The following SIPA1L1 variants were observed in gnomAD, a reference collection of about 807,000 sequenced individuals.
SIPA1L1 encodes the protein signal-induced proliferation-associated 1-like protein 1.
A neutral mutation model predicts 162.7 loss-of-function variants in SIPA1L1; 26 were observed. The observed-to-expected ratio is 0.16, with a 90% CI of 0.12 to 0.22. The LOEUF (loss-of-function observed/expected upper bound fraction) is 0.22, where lower values mean the gene tolerates loss of function less well. Ranked by LOEUF, SIPA1L1 falls within the 10% of genes least tolerant of loss-of-function variation. The pLI, the probability that SIPA1L1 is intolerant of heterozygous loss-of-function variation, is 1.00. For missense variants in SIPA1L1, 1,874 were observed against 2,241.0 expected (o/e 0.84, Z 3.31); for synonymous variants, 829 against 837.4 (o/e 0.99, Z 0.17).
chr14:71,529,907 C>T, intron 4 of SIPA1L1, among the ~76,000 whole-genome samples: 1 of 152,214 alleles, frequency 6.6e-6, no homozygotes, highest in East Asian at 1.9e-4. Flanking sequence ...CTGCCTCTTA[C>T]TTCTGGATGT....
intron 2 of SIPA1L1, chr14:71,416,066 T>G (rs2042738457): frequency 6.6e-6 from 1 of 152,220 alleles, no homozygotes; most frequent in Admixed American, 6.5e-5. Flanking sequence ...AGCAGGCACC[T>G]TAAGTTCTGT....
chr14:71,548,885 CAAA>C (rs774158181), intron 4 of SIPA1L1, among the ~76,000 whole-genome samples: 2 of 65,384 alleles, frequency 3.1e-5, no homozygotes, highest in Admixed American at 1.7e-4. Flanking sequence ...AGACTGTCTC[CAAA>C]AAAAAAAAAA....
intron 7 of SIPA1L1, among the ~76,000 whole-genome samples, chr14:71,649,110 G>A (rs372850318): frequency 2.7e-4 from 41 of 151,878 alleles, no homozygotes; most frequent in Admixed American, 1.7e-3. Context: ...CCTTACTGAT[G>A]TGGTGGTTGT....
intron 2 of SIPA1L1, among the ~76,000 whole-genome samples, chr14:71,339,561 A>C (rs1208692802): frequency 6.6e-6 from 1 of 151,860 alleles, no homozygotes; most frequent in Non-Finnish European, 1.5e-5. Flanking sequence ...ACAGGGTTTC[A>C]CCATGTTGGC....
chr14:71,566,348 CCTAAA>C (rs1185460545), intron 4 of SIPA1L1, among the ~76,000 whole-genome samples: 15 of 152,006 alleles, frequency 9.9e-5, no homozygotes, highest in Middle Eastern at 3.2e-3. Flanking sequence ...TTTAAAGTTC[CCTAAA>C]CTAATTTATA....
intron 17 of SIPA1L1, among the ~76,000 whole-genome samples, chr14:71,710,455 A>C (rs1310453716): frequency 6.6e-6 from 1 of 152,190 alleles, no homozygotes; most frequent in Non-Finnish European, 1.5e-5. Flanking sequence ...GTCATTGATC[A>C]ATGTGTGAGA....
intron 3 of SIPA1L1, among the ~76,000 whole-genome samples, chr14:71,519,428 G>T (rs1164181178): frequency 1.3e-5 from 2 of 152,108 alleles, no homozygotes; most frequent in African/African-American, 4.8e-5. Flanking sequence ...CAATAACAAT[G>T]AACATATCTG....
chr14:71,518,755 A>G (rs1273418027), intron 3 of SIPA1L1, among the ~76,000 whole-genome samples: 1 of 152,058 alleles, frequency 6.6e-6, no homozygotes, highest in Non-Finnish European at 1.5e-5. Context: ...AGCCTGGGCA[A>G]CATGGCAAAA....
At position 71,517,341 on chromosome 14, in the gene SIPA1L1, C is replaced by T. The variant is rs759480377; in HGVS notation, c.-362+4496C>T. ...TTTTTGGTTTATTACAAATTTATTT[C>T]GGCATAGGTACTGAGGGACATTGTC... On this transcript the variant is annotated intron_variant, in intron 3 of 23. Coordinates refer to ENST00000381232, the MANE Select transcript of SIPA1L1 (RefSeq NM_001386936.1). Among the ~76,000 whole-genome samples the T allele has an allele frequency of 9.2e-5, 14 of 151,930 alleles. No homozygotes were observed. The East Asian group carries it at 1.3e-3, about 15-fold the overall frequency.
intron 13 of SIPA1L1, among the ~76,000 whole-genome samples, chr14:71,693,064 A>C (rs893333584): frequency 6.6e-6 from 1 of 152,218 alleles, no homozygotes; most frequent in African/African-American, 2.4e-5. Flanking sequence ...CCTTACCCAA[A>C]ATGCTTGAAC....
At chr14:71,699,154 A>C (rs1363340381) in intron 14 of SIPA1L1, 27 bp downstream of exon 14, 16 of 1,611,028 alleles carry the variant, frequency 9.9e-6, no homozygotes, top group Non-Finnish European at 1.3e-5. Context: ...CCCATTGTAC[A>C]TGGTCCCTGT....
chr14:71,526,482 T>C (rs990391781), intron 3 of SIPA1L1, among the ~76,000 whole-genome samples: 2 of 152,244 alleles, frequency 1.3e-5, no homozygotes, highest in African/African-American at 2.4e-5. Flanking sequence ...CTCAACATTA[T>C]GTTTGTGAGA....
chr14:71,440,730 T>C (rs780535735), intron 2 of SIPA1L1, among the ~76,000 whole-genome samples: 4 of 139,654 alleles, frequency 2.9e-5, no homozygotes, highest in Non-Finnish European at 6.2e-5. Flanking sequence ...TAAGAAAGAA[T>C]AGTTCAGTTT....
At chr14:71,326,596 T>A (rs1306886729) in intron 2 of SIPA1L1, among the ~76,000 whole-genome samples, 2 of 152,206 alleles carry the variant, frequency 1.3e-5, no homozygotes, top group Non-Finnish European at 2.9e-5. Flanking sequence ...CAAACGATCG[T>A]GTTCCTATAA....
chr14:71,626,463 G>A (rs1404080248), intron 7 of SIPA1L1, among the ~76,000 whole-genome samples: 1 of 152,102 alleles, frequency 6.6e-6, no homozygotes, highest in South Asian at 2.1e-4. Context: ...TGCATACTTA[G>A]GCTTTTAGTC....
rs539771564 is a variant in SIPA1L1, at chr14:71,373,991, A to G, written c.-465+52810A>G. 9.8e-5 allele frequency among the ~76,000 whole-genome samples: 15 copies of G among 152,286 alleles called. No homozygotes were observed. The South Asian group carries it at 2.9e-3, about 29-fold the overall frequency. ...GTCATTCTGTTTGAAATGACTGGTAAAGTGTCCATTCAGGGCAGCTCTGCT... is the reference window on the plus strand; with the variant it reads ...GTCATTCTGTTTGAAATGACTGGTAGAGTGTCCATTCAGGGCAGCTCTGCT... On this transcript the variant is annotated intron_variant, in intron 2 of 23. Transcript: ENST00000381232.
chr14:71,635,926 GGTAAA>G (rs2041100083), intron 7 of SIPA1L1, among the ~76,000 whole-genome samples: 1 of 152,078 alleles, frequency 6.6e-6, no homozygotes, highest in African/African-American at 2.4e-5. Context: ...AGTAATGTCA[GGTAAA>G]GTAAACTTCA....
At chr14:71,674,781 G>A (rs996282844) in intron 12 of SIPA1L1, among the ~76,000 whole-genome samples, 1 of 151,472 alleles carries the variant, frequency 6.6e-6, no homozygotes, top group Non-Finnish European at 1.5e-5. Context: ...AGCCGGGATG[G>A]TCTCGATCTC....
At chr14:71,470,454 A>G (rs1349873254) in intron 2 of SIPA1L1, among the ~76,000 whole-genome samples, 1 of 152,210 alleles carries the variant, frequency 6.6e-6, no homozygotes, top group Non-Finnish European at 1.5e-5. Context: ...GCAAGAAGCC[A>G]CCTGCAGAAT....
Sources: gnomAD v4.1 joint callset for allele counts (sites outside exome capture counted in the v4.1 genomes callset) on GRCh38, gnomAD v4.1.1 for gene constraint, MANE v1.5 for transcripts, NCBI Gene and HGNC (gene_info 2026-07-23, HGNC 2026-07-21) for gene names.